Variants in PRPSAP2 observed in about 807,000 individuals in gnomAD.
PRPSAP2 encodes phosphoribosyl pyrophosphate synthase-associated protein 2.
In PRPSAP2, 24 loss-of-function variants were observed where a neutral mutation model predicts 40.6. That is an observed-to-expected ratio of 0.59 (90% CI 0.43 to 0.83). The LOEUF (loss-of-function observed/expected upper bound fraction) is 0.83, where lower values mean the gene tolerates loss of function less well. Among genes scored for constraint, PRPSAP2 ranks in the 40% least tolerant of loss-of-function variants. PRPSAP2 has a pLI of 0.00. For synonymous variants in PRPSAP2, 149 were observed against 164.7 expected (o/e 0.90, Z 0.73); for missense variants, 292 against 465.6 (o/e 0.63, Z 3.43).
In PRPSAP2 at chr17:18,911,135, G is replaced by T; in HGVS notation, c.617G>T (p.Gly206Val). 1 of 1,613,436 alleles carries T rather than the reference G, an allele frequency of 6.2e-7. No homozygotes were observed. The highest frequency in any genetic ancestry group is 2.2e-5 in the East Asian group (1 of 44,884). Residue 206 changes from glycine to valine, a missense_variant, in exon 9 of 12, where the codon GGA becomes GTA. This residue lies in a region of PRPSAP2 where 241 missense variants were observed against 425.7 expected (regional missense o/e 0.57). Coordinates refer to ENST00000268835, the MANE Select transcript of PRPSAP2 (RefSeq NM_002767.4). The surrounding 1 kb of genome is among the most constrained non-coding windows in gnomAD (Gnocchi z 4.5). Reference sequence around the variant, plus strand: ...TCTTTTGCTGAGCGCCTGCGCCTGGGAATTGCAGTGATTCATGGAGAGGCG... The same window carrying T: ...TCTTTTGCTGAGCGCCTGCGCCTGGTAATTGCAGTGATTCATGGAGAGGCG... ...AQSFAERLRL[G>V]IAVIHGEAQD...
chr17:18,925,276 G>A (rs566539362), intron 10 of PRPSAP2, among the ~76,000 whole-genome samples: 2 of 152,304 alleles, frequency 1.3e-5, no homozygotes, highest in East Asian at 3.8e-4. Context: ...GCTCACTTGA[G>A]GCATAGATCA....
intron 8 of PRPSAP2, among the ~76,000 whole-genome samples, chr17:18,897,138 T>G (rs1472521269): frequency 1.3e-5 from 2 of 152,008 alleles, no homozygotes; most frequent in East Asian, 3.9e-4. Context: ...ATGTTTTTTT[T>G]GTAGAGATGG....
intron 8 of PRPSAP2, among the ~76,000 whole-genome samples, chr17:18,910,466 T>C (rs573573054): frequency 6.6e-6 from 1 of 152,252 alleles, no homozygotes; most frequent in African/African-American, 2.4e-5. Flanking sequence ...TGATTTCACT[T>C]ACGTGAAATT....
chr17:18,860,668 A>T (rs1408264908), intron 1 of PRPSAP2: 1 of 152,176 alleles, frequency 6.6e-6, no homozygotes, highest in Non-Finnish European at 1.5e-5. Context: ...TCACACTCCT[A>T]CTTCAGCCAT....
At chr17:18,864,533 C>T (rs3764444) in intron 1 of PRPSAP2, among the ~76,000 whole-genome samples, 66,455 of 151,828 alleles carry the variant, frequency 0.44, 14,768 homozygotes, top group Middle Eastern at 0.5. Context: ...CCTTGTGATC[C>T]GCCTGCCTTG....
In PRPSAP2 at chr17:18,928,937, G is replaced by A. The variant is rs1265612575; in HGVS notation, c.931G>A (p.Glu311Lys). 2 of 1,613,864 alleles carry A rather than the reference G, an allele frequency of 1.2e-6. No individual in the cohort carries two copies. Among genetic ancestry groups the A allele is most frequent in the Admixed American group, 1.7e-5 (1 of 59,998 alleles). The change falls in exon 11 of 12, where the codon GAA (glutamate) becomes AAA (lysine). Residue 311 changes from glutamate (E) to lysine (K), a missense_variant. Transcript: ENST00000268835. The part of the protein sequence containing the change: ...LLSSDAPRRI[E>K]ESAIDEVVVT... ...GTCTTCTGACGCCCCCCGGCGGATT[G>A]AAGAGTCTGCCATTGATGAGGTAAC...
intron 4 of PRPSAP2, among the ~76,000 whole-genome samples, chr17:18,868,272 G>A (rs567123252): frequency 1.3e-5 from 2 of 151,880 alleles, no homozygotes; most frequent in Admixed American, 6.6e-5. Context: ...TCAGGAGTTC[G>A]TAGACCAGCC....
chr17:18,861,194 G>A (rs2036984492), intron 1 of PRPSAP2, among the ~76,000 whole-genome samples: 1 of 152,232 alleles, frequency 6.6e-6, no homozygotes, highest in Non-Finnish European at 1.5e-5. Flanking sequence ...GCCGGGCGCA[G>A]TGGCTCATGC....
chr17:18,930,868 T>C lies in PRPSAP2; in HGVS notation c.*170T>C. The C allele has an allele frequency of 1.9e-6, 1 of 522,238 alleles. No individual in the cohort carries two copies. Among genetic ancestry groups the C allele is most frequent in the Admixed American group, 4.0e-5 (1 of 24,932 alleles). The allele number at this position is 522,238 out of a possible 1,614,324, so 32.4% of individuals were successfully genotyped here. On this transcript the variant is annotated 3_prime_UTR_variant, in exon 12 of 12. Transcript: ENST00000268835. ...AACTTTTTATGTCGGTTTGGGTGTT[T>C]GTGAGTTTGGGGAGCAATTTTTATA...
chr17:18,899,796 A>G (rs1374902112), intron 8 of PRPSAP2, among the ~76,000 whole-genome samples: 1 of 152,070 alleles, frequency 6.6e-6, no homozygotes, highest in Non-Finnish European at 1.5e-5. Context: ...CAGCTTCTCT[A>G]AAGTGCTGGG....
intron 8 of PRPSAP2, among the ~76,000 whole-genome samples, chr17:18,900,174 C>T (rs530306054): frequency 2.0e-5 from 3 of 151,954 alleles, no homozygotes; most frequent in South Asian, 2.1e-4. Flanking sequence ...CGTGAGCCAC[C>T]GTGCCTGGCT....
chr17:18,885,768 G>A (rs985812654), intron 7 of PRPSAP2, among the ~76,000 whole-genome samples: 24 of 152,028 alleles, frequency 1.6e-4, no homozygotes, highest in African/African-American at 4.1e-4. Context: ...TGTATTTTTA[G>A]TAGAGACAGG....
At chr17:18,913,300 G>A (rs910942441) in intron 9 of PRPSAP2, among the ~76,000 whole-genome samples, 1 of 152,116 alleles carries the variant, frequency 6.6e-6, no homozygotes, top group African/African-American at 2.4e-5. Context: ...GGCCCTGCAC[G>A]GACACCACTG....
intron 5 of PRPSAP2, among the ~76,000 whole-genome samples, chr17:18,874,733 C>G (rs1412196105): frequency 6.6e-6 from 1 of 152,242 alleles, no homozygotes; most frequent in African/African-American, 2.4e-5. Flanking sequence ...CCTCTTTCCC[C>G]TTTCCCACGT....
chr17:18,866,456 T>C (rs545764160), intron 3 of PRPSAP2, among the ~76,000 whole-genome samples: 4 of 152,104 alleles, frequency 2.6e-5, no homozygotes, highest in Admixed American at 6.6e-5. Flanking sequence ...CCCAGCTACT[T>C]GGGAGGCTGA....
chr17:18,880,013 T>C (rs1386159415), intron 6 of PRPSAP2, among the ~76,000 whole-genome samples: 1 of 152,060 alleles, frequency 6.6e-6, no homozygotes, highest in East Asian at 1.9e-4. Context: ...GGAGAATTGC[T>C]TGAACCCGGG....
chr17:18,881,385 G>A (rs778212500), intron 6 of PRPSAP2, among the ~76,000 whole-genome samples: 121 of 151,178 alleles, frequency 8.0e-4, no homozygotes, highest in Admixed American at 6.6e-4. Flanking sequence ...TTATGGGCAC[G>A]TGCCACCATG....
chr17:18,875,915 C>T (rs1207825276), intron 5 of PRPSAP2, among the ~76,000 whole-genome samples: 1 of 150,988 alleles, frequency 6.6e-6, no homozygotes, highest in African/African-American at 2.4e-5. Flanking sequence ...GTGCAGATCA[C>T]CTGAGGTCGG....
At chr17:18,895,324 C>T (rs2151931661) in intron 8 of PRPSAP2, among the ~76,000 whole-genome samples, 1 of 151,674 alleles carries the variant, frequency 6.6e-6, no homozygotes, top group East Asian at 1.9e-4. Flanking sequence ...GTCTCTAACT[C>T]CTAGGCTCAG....
Sources: allele counts gnomAD v4.1 joint callset (sites outside exome capture counted in the v4.1 genomes callset), GRCh38; gene constraint gnomAD v4.1.1; regional missense constraint gnomAD v4.1.1; non-coding constraint Gnocchi (gnomAD v3.1); transcripts MANE v1.5; gene names NCBI Gene and HGNC (gene_info 2026-07-23, HGNC 2026-07-21).